The following BICRAL variants were observed in gnomAD, a reference collection of about 807,000 sequenced individuals.
BICRAL encodes BRD4-interacting chromatin-remodeling complex-associated protein-like.
In BICRAL, 8 loss-of-function variants were observed where a neutral mutation model predicts 91.8. That is an observed-to-expected ratio of 0.09 (90% CI 0.05 to 0.16). The LOEUF is 0.16. Ranked by LOEUF, BICRAL falls within the 10% of genes least tolerant of loss-of-function variation. The pLI, the probability that BICRAL is intolerant of heterozygous loss-of-function variation, is 1.00. For synonymous variants in BICRAL, 445 were observed against 491.1 expected (o/e 0.91, Z 1.24); for missense variants, 1,038 against 1,310.9 (o/e 0.79, Z 3.21).
In BICRAL at chr6:42,806,265, A is replaced by G. The variant is rs114251241; in HGVS notation, c.-101-4041A>G. Among the ~76,000 whole-genome samples, 625 of 152,218 alleles carry G rather than the reference A, an allele frequency of 4.1e-3. 4 individuals carry two copies. Among genetic ancestry groups the G allele is most frequent in the African/African-American group, 0.014 (586 of 41,542 alleles). On this transcript the variant is annotated intron_variant, in intron 1 of 12. Transcript: ENST00000314073. Reference sequence around the variant, plus strand: ...ACTCAGACCTGGAACAGGTTCCCCAATTTGCCTGAAATTTTCCCAGGGGCA... The same window carrying G: ...ACTCAGACCTGGAACAGGTTCCCCAGTTTGCCTGAAATTTTCCCAGGGGCA...
chr6:42,762,971 G>A (rs952242824), intron 1 of BICRAL, among the ~76,000 whole-genome samples: 3 of 152,008 alleles, frequency 2.0e-5, no homozygotes, highest in African/African-American at 7.2e-5. Context: ...GAAATAGCCT[G>A]GCACTCTTGA....
In BICRAL at chr6:42,864,183, T is replaced by A. The variant is rs1461690119; in HGVS notation, c.2453-476T>A. Among the ~76,000 whole-genome samples the A allele has an allele frequency of 4.3e-3, 618 of 145,090 alleles. 1 individual carries two copies. Among genetic ancestry groups the A allele is most frequent in the African/African-American group, 0.015 (591 of 39,408 alleles). On this transcript the variant is annotated intron_variant, in intron 12 of 12. Coordinates refer to ENST00000314073, the MANE Select transcript of BICRAL (RefSeq NM_001393499.1). ...ACTCCGTCTCAAAAAAAAAAAAAAA[T>A]ACCACAATTAAATGGGCATGGTGGC...
chr6:42,858,804 C>T (rs902537659), intron 10 of BICRAL, among the ~76,000 whole-genome samples: 4 of 151,822 alleles, frequency 2.6e-5, no homozygotes, highest in East Asian at 1.9e-4. Flanking sequence ...GCAACAAGAG[C>T]GAAACTCCAT....
intron 1 of BICRAL, among the ~76,000 whole-genome samples, chr6:42,791,164 C>A (rs936734157): frequency 6.6e-6 from 1 of 151,658 alleles, no homozygotes; most frequent in African/African-American, 2.4e-5. Context: ...TTTTCTCTTC[C>A]CTACCTCGTA....
chr6:42,815,730 G>A (rs141651997), intron 2 of BICRAL, among the ~76,000 whole-genome samples: 4 of 151,962 alleles, frequency 2.6e-5, no homozygotes, highest in African/African-American at 7.2e-5. Context: ...GCTCCTGACT[G>A]TAATCCCAGC....
At chr6:42,824,986 C>T (rs1764248841) in intron 5 of BICRAL, among the ~76,000 whole-genome samples, 1 of 152,156 alleles carries the variant, frequency 6.6e-6, no homozygotes, top group Admixed American at 6.5e-5. Flanking sequence ...AGCAGCTGGG[C>T]GCAGTGGCTT....
At chr6:42,852,628 T>G in intron 7 of BICRAL, 11 of 268,202 alleles carry the variant, frequency 4.1e-5, no homozygotes, top group South Asian at 7.9e-5. Flanking sequence ...CACCACTGCA[T>G]TCCAGTCTGG....
intron 1 of BICRAL, among the ~76,000 whole-genome samples, chr6:42,795,952 C>T (rs974970893): frequency 1.3e-5 from 2 of 152,194 alleles, no homozygotes; most frequent in Non-Finnish European, 2.9e-5. Context: ...TATGTACACA[C>T]ATAAAACTAC....
Position 42,857,213 on chromosome 6 carries a change from C to T in BICRAL, c.2231C>T (p.Pro744Leu). The T allele has an allele frequency of 3.7e-6, 6 of 1,613,454 alleles. No individual in the cohort carries two copies. Among genetic ancestry groups the T allele is most frequent in the Non-Finnish European group, 5.1e-6 (6 of 1,179,674 alleles). Reference sequence around the variant, plus strand: ...TACCACGTGTGCCAGGGCTCCATGCCCACTGAAGAAGACTTGAGAAAAGGT... The same window carrying T: ...TACCACGTGTGCCAGGGCTCCATGCTCACTGAAGAAGACTTGAGAAAAGGT... ...LSYHVCQGSM[P>L]TEEDLRKVDN... The change falls in exon 10 of 13, where the codon CCC becomes CTC. Residue 744 changes from proline (P) to leucine (L), a missense_variant. Physicochemically the swap from Pro to Leu is moderately conservative, Grantham distance 98. Around this residue, in one of 5 missense-constraint regions of BICRAL, gnomAD observed 294 missense variants for 292.6 expected, o/e 1.00. Coordinates refer to ENST00000314073, the MANE Select transcript of BICRAL (RefSeq NM_001393499.1).
At chr6:42,779,271 C>CACAT (rs1470003087), upstream of BICRAL, among the ~76,000 whole-genome samples, 2 of 132,540 alleles carry the variant, frequency 1.5e-5, no homozygotes, top group Non-Finnish European at 3.2e-5. Flanking sequence ...CACACACACA[C>CACAT]ACATATCATT....
chr6:42,853,516 G>A (rs1765257916), intron 7 of BICRAL, 122 bp from the exon 8 acceptor site: 1 of 683,774 alleles, frequency 1.5e-6, no homozygotes, highest in African/African-American at 1.8e-5. Context: ...ACAGCAAGCA[G>A]CCATGATAAA....
rs1240120540 is a variant in BICRAL, at chr6:42,755,830, C to T, written c.-261+8807C>T. On this transcript the variant is annotated intron_variant, in intron 1 of 14. Coordinates refer to the BICRAL transcript ENST00000614467. ...GATTACAGGCGCACGCCGCCACGCCCGGCTAATTTTTTTTTTGTATTTTAG... is the reference window on the plus strand; with the variant it reads ...GATTACAGGCGCACGCCGCCACGCCTGGCTAATTTTTTTTTTGTATTTTAG... Among the ~76,000 whole-genome samples the T allele has an allele frequency of 3.9e-5, 6 of 152,048 alleles. No homozygotes were observed. The South Asian group carries it at 6.2e-4, about 16-fold the overall frequency.
chr6:42,802,907 A>G (rs1292092702), intron 1 of BICRAL, among the ~76,000 whole-genome samples: 1 of 152,114 alleles, frequency 6.6e-6, no homozygotes, highest in Non-Finnish European at 1.5e-5. Context: ...TTTCCTGTGT[A>G]TGGTTTTCCA....
intron 6 of BICRAL, among the ~76,000 whole-genome samples, chr6:42,836,951 CT>C (rs113754625): frequency 3.5e-4 from 44 of 124,112 alleles, no homozygotes; most frequent in Non-Finnish European, 3.3e-4. Flanking sequence ...TATTTCTTTT[CT>C]TTTTTTTTTT....
intron 1 of BICRAL, among the ~76,000 whole-genome samples, chr6:42,796,798 G>A (rs1763422892): frequency 6.6e-6 from 1 of 152,112 alleles, no homozygotes. Context: ...TGTAATCCCA[G>A]CACTTTGGGA....
At chr6:42,781,241 G>A (rs1276174499), upstream of BICRAL, among the ~76,000 whole-genome samples, 2 of 152,160 alleles carry the variant, frequency 1.3e-5, no homozygotes, top group African/African-American at 4.8e-5. Flanking sequence ...TAAAGAGAAG[G>A]CAGTAGAAAA....
chr6:42,750,959 C>A (rs968735724), intron 1 of BICRAL, among the ~76,000 whole-genome samples: 2 of 123,798 alleles, frequency 1.6e-5, no homozygotes, highest in Admixed American at 1.0e-4. Context: ...TTTGTTACAT[C>A]GGTATACATG....
chr6:42,844,634 AGGC>A (rs1764936248), intron 6 of BICRAL, among the ~76,000 whole-genome samples: 1 of 144,420 alleles, frequency 6.9e-6, no homozygotes, highest in Non-Finnish European at 1.5e-5. Context: ...AACAACTGGG[AGGC>A]TGCTGGTTGG....
At position 42,828,532 on chromosome 6, in the gene BICRAL, C is replaced by G. The variant is rs150201952; in HGVS notation, c.199C>G (p.Gln67Glu). 1 of 1,613,464 alleles carries G rather than the reference C, an allele frequency of 6.2e-7. No homozygotes were observed. Among genetic ancestry groups the G allele is most frequent in the Non-Finnish European group, 8.5e-7 (1 of 1,179,630 alleles). Residue 67 changes from glutamine to glutamate, a missense_variant, in exon 6 of 13, where the codon CAG becomes GAG. Physicochemically the swap from Gln to Glu is conservative, Grantham distance 29. This residue lies in a region of BICRAL where 115 missense variants were observed against 121.5 expected (regional missense o/e 0.95). Transcript: ENST00000314073. ...PKSSLKGVSN[Q>E]LGEGPSDGLP... Reference sequence around the variant, plus strand: ...GTCATCCCTCAAAGGTGTAAGCAACCAGCTTGGAGAAGGGCCCAGTGATGG... The same window carrying G: ...GTCATCCCTCAAAGGTGTAAGCAACGAGCTTGGAGAAGGGCCCAGTGATGG...
Sources: allele counts gnomAD v4.1 joint callset (sites outside exome capture counted in the v4.1 genomes callset), GRCh38; gene constraint gnomAD v4.1.1; regional missense constraint gnomAD v4.1.1; transcripts MANE v1.5; gene names NCBI Gene and HGNC (gene_info 2026-07-23, HGNC 2026-07-21).